Variants in DENND1A observed in about 807,000 individuals in gnomAD.
The protein encoded by DENND1A is DENN domain containing 1A.
DENND1A carries 51 observed loss-of-function variants against 113.7 expected under a neutral mutation model. That is an observed-to-expected ratio of 0.45 (90% CI 0.36 to 0.57). DENND1A has a LOEUF of 0.57. DENND1A is among the 20% of genes least tolerant of loss of function. The pLI, the probability that DENND1A is intolerant of heterozygous loss-of-function variation, is 0.00. For missense variants in DENND1A, 1,258 were observed against 1,395.9 expected, an observed-to-expected ratio of 0.90 and a Z score of 1.57; for synonymous variants, 565 against 570.8, an observed-to-expected ratio of 0.99 and a Z score of 0.14.
intron 11 of DENND1A, among the ~76,000 whole-genome samples, chr9:123,587,603 T>G (rs1389492210): frequency 1.3e-5 from 2 of 151,990 alleles, no homozygotes; most frequent in African/African-American, 4.8e-5. Flanking sequence ...TCCACAAGGG[T>G]CGTATTCCAT....
chr9:123,499,918 C>G (rs764691854), intron 13 of DENND1A, among the ~76,000 whole-genome samples: 18 of 152,334 alleles, frequency 1.2e-4, no homozygotes, highest in South Asian at 2.1e-4. Flanking sequence ...TGGCACCCAG[C>G]ACAGAGCGAG....
chr9:123,841,491 G>A (rs970046771), intron 2 of DENND1A, among the ~76,000 whole-genome samples: 3 of 152,108 alleles, frequency 2.0e-5, no homozygotes, highest in African/African-American at 7.2e-5. Context: ...GTCATACAGT[G>A]GTGAAGAAAA....
chr9:123,721,716 G>A (rs2141149675), intron 5 of DENND1A, among the ~76,000 whole-genome samples: 1 of 152,312 alleles, frequency 6.6e-6, no homozygotes, highest in South Asian at 2.1e-4. Context: ...TGTACCAGCT[G>A]TCTTTACCTG....
At chr9:123,809,081 G>T (rs1836101763) in intron 2 of DENND1A, among the ~76,000 whole-genome samples, 1 of 152,200 alleles carries the variant, frequency 6.6e-6, no homozygotes, top group African/African-American at 2.4e-5. Flanking sequence ...GAGACAGGAG[G>T]CAACAGGAGG....
chr9:123,918,348 C>T (rs1024722682), intron 1 of DENND1A, among the ~76,000 whole-genome samples: 1 of 151,638 alleles, frequency 6.6e-6, no homozygotes, highest in Non-Finnish European at 1.5e-5. Flanking sequence ...ATTAGCCGGG[C>T]GTGGCGGCGG....
intron 3 of DENND1A, among the ~76,000 whole-genome samples, chr9:123,787,901 G>A (rs570574259): frequency 1.6e-4 from 25 of 152,092 alleles, no homozygotes; most frequent in African/African-American, 4.3e-4. Flanking sequence ...TTCTATAAAC[G>A]CATAAAGATT....
At chr9:123,426,921 A>G (rs899021997) in intron 19 of DENND1A, among the ~76,000 whole-genome samples, 1 of 152,214 alleles carries the variant, frequency 6.6e-6, no homozygotes, top group Non-Finnish European at 1.5e-5. Flanking sequence ...TCTCAGACAC[A>G]GCCTGAAGAA....
intron 20 of DENND1A, among the ~76,000 whole-genome samples, chr9:123,410,571 C>T: frequency 6.6e-6 from 1 of 152,178 alleles, no homozygotes; most frequent in Middle Eastern, 3.2e-3. Flanking sequence ...CTCTAATTCC[C>T]ACCCACAGCG....
intron 8 of DENND1A, among the ~76,000 whole-genome samples, chr9:123,653,288 C>T (rs2062754477): frequency 1.3e-5 from 2 of 152,334 alleles, no homozygotes; most frequent in African/African-American, 4.8e-5. Flanking sequence ...TATATACTAA[C>T]TACCTATCAA....
At chr9:123,408,691 C>T (rs2044075208) in intron 20 of DENND1A, among the ~76,000 whole-genome samples, 2 of 152,204 alleles carry the variant, frequency 1.3e-5, no homozygotes, top group Admixed American at 1.3e-4. Flanking sequence ...GGCTAGTCAC[C>T]TCCTGCATTA....
intron 5 of DENND1A, among the ~76,000 whole-genome samples, chr9:123,691,777 A>G (rs2065206301): frequency 6.6e-6 from 1 of 152,180 alleles, no homozygotes; most frequent in African/African-American, 2.4e-5. Flanking sequence ...AGATAAACTC[A>G]ACAATTTTAA....
chr9:123,457,950 A>G (rs927959925), intron 13 of DENND1A, 53 bp from the exon 14 acceptor site: 20 of 1,381,554 alleles, frequency 1.4e-5, no homozygotes, highest in Non-Finnish European at 1.7e-5. Flanking sequence ...AAGAGCCATC[A>G]GTTTTGAAAT....
intron 4 of DENND1A, among the ~76,000 whole-genome samples, chr9:123,765,378 C>G (rs1223016689): frequency 2.0e-5 from 3 of 152,082 alleles, no homozygotes; most frequent in African/African-American, 7.2e-5. Flanking sequence ...AATTTGTAAT[C>G]TTTTATTACA....
intron 13 of DENND1A, among the ~76,000 whole-genome samples, chr9:123,473,666 T>C (rs2049636281): frequency 6.6e-6 from 1 of 152,194 alleles, no homozygotes; most frequent in African/African-American, 2.4e-5. Context: ...AGGGCTGCTA[T>C]TTTTGTAGTT....
At chr9:123,865,675 T>C (rs1318090) in intron 2 of DENND1A, among the ~76,000 whole-genome samples, 2 of 152,262 alleles carry the variant, frequency 1.3e-5, no homozygotes, top group Admixed American at 1.3e-4. Flanking sequence ...ATTCTTTAAA[T>C]ACTGTGTTTC....
chr9:123,616,006 T>G lies in DENND1A; in HGVS notation c.720-6525A>C, dbSNP rs747569434. 9.5e-4 allele frequency among the ~76,000 whole-genome samples: 144 copies of G among 152,206 alleles called. 1 individual carries two copies. Among genetic ancestry groups the G allele is most frequent in the Admixed American group, 1.1e-3 (17 of 15,282 alleles). On this transcript the variant is annotated intron_variant, in intron 10 of 23. Coordinates refer to ENST00000394215, the MANE Select transcript of DENND1A (RefSeq NM_001352964.2). ...GTGCAGTGGTGCGATCTTGGCCCAC[T>G]GCAACCTCTGTCTCCTGGGTTCAAG...
At chr9:123,834,054 CA>C in intron 2 of DENND1A, among the ~76,000 whole-genome samples, 1 of 151,398 alleles carries the variant, frequency 6.6e-6, no homozygotes, top group South Asian at 2.1e-4. Flanking sequence ...GACTCTGTCT[CA>C]AAAAAAACAG....
chr9:123,578,613 C>T (rs2058735355), intron 12 of DENND1A, among the ~76,000 whole-genome samples: 1 of 152,168 alleles, frequency 6.6e-6, no homozygotes, highest in Non-Finnish European at 1.5e-5. Flanking sequence ...ACCATAATAA[C>T]CCAATCCATA....
At chr9:123,903,443 C>T (rs1270048827) in intron 1 of DENND1A, among the ~76,000 whole-genome samples, 1 of 151,404 alleles carries the variant, frequency 6.6e-6, no homozygotes, top group Non-Finnish European at 1.5e-5. Context: ...GTGATTTCTG[C>T]ATTTCCATCT....
Sources: gnomAD v4.1 joint callset for allele counts (sites outside exome capture counted in the v4.1 genomes callset) on GRCh38, gnomAD v4.1.1 for gene constraint, MANE v1.5 for transcripts, NCBI Gene and HGNC (gene_info 2026-07-23, HGNC 2026-07-21) for gene names.